Variants in INSR observed in about 807,000 individuals in gnomAD.
INSR encodes insulin receptor, also known as IR.
A neutral mutation model predicts 142.6 loss-of-function variants in INSR; 67 were observed. The observed-to-expected ratio is 0.47, with a 90% CI of 0.39 to 0.58. The LOEUF is 0.58. Among genes scored for constraint, INSR ranks in the 20% least tolerant of loss-of-function variants. INSR has a pLI of 0.00. For missense variants in INSR, 1,248 were observed against 1,833.2 expected, an observed-to-expected ratio of 0.68 and a Z score of 5.83; for synonymous variants, 756 against 743.1, an observed-to-expected ratio of 1.02 and a Z score of -0.28.
chr19:7,179,959 A>G (rs2144975105), intron 3 of INSR, among the ~76,000 whole-genome samples: 1 of 152,312 alleles, frequency 6.6e-6, no homozygotes, highest in Non-Finnish European at 1.5e-5. Flanking sequence ...AGGCTTGAAA[A>G]GCACTTGAAC....
chr19:7,148,033 C>T (rs551050421), intron 11 of INSR, among the ~76,000 whole-genome samples: 1 of 152,222 alleles, frequency 6.6e-6, no homozygotes, highest in African/African-American at 2.4e-5. Context: ...CCTGCCTCAG[C>T]CTCCCAAGTA....
chr19:7,146,542 CTCTTTG>C (rs1298772283), intron 11 of INSR, among the ~76,000 whole-genome samples: 11 of 152,068 alleles, frequency 7.2e-5, no homozygotes, highest in Non-Finnish European at 1.5e-4. Flanking sequence ...CATGCTCAAC[CTCTTTG>C]TCAAGTTCTT....
chr19:7,242,575 T>C lies in INSR; in HGVS notation c.652+24770A>G, dbSNP rs1281562579. ...CAACATGGTGAAACCCCGTCTCTAC[T>C]AAAAACACAAAAATTAGCCAGGTGT... On this transcript the variant is annotated intron_variant, in intron 2 of 21. Coordinates refer to ENST00000302850, the MANE Select transcript of INSR (RefSeq NM_000208.4). 3.3e-5 allele frequency among the ~76,000 whole-genome samples: 5 copies of C among 151,442 alleles called. No individual in the cohort carries two copies. In the South Asian group the frequency reaches 6.3e-4, roughly 19 times the overall value.
At chr19:7,122,207 G>T (rs761240181) in intron 19 of INSR, among the ~76,000 whole-genome samples, 4 of 151,490 alleles carry the variant, frequency 2.6e-5, no homozygotes, top group Non-Finnish European at 4.4e-5. Context: ...ACTTTGGGAG[G>T]CCGAGGCAGG....
At chr19:7,127,817 C>T (rs1972682040) in intron 15 of INSR, among the ~76,000 whole-genome samples, 1 of 152,066 alleles carries the variant, frequency 6.6e-6, no homozygotes, top group Non-Finnish European at 1.5e-5. Context: ...GATCTCGGCT[C>T]ACTGCAACCT....
At chr19:7,127,572 C>A (rs1568431550) in intron 15 of INSR, among the ~76,000 whole-genome samples, 1 of 152,024 alleles carries the variant, frequency 6.6e-6, no homozygotes, top group Non-Finnish European at 1.5e-5. Flanking sequence ...CAATGGGGAG[C>A]TATTATGTAT....
rs765562038 is a variant in INSR, at chr19:7,125,458, T to G, written c.3083A>C (p.Glu1028Ala). The change falls in exon 17 of 22, where the codon GAG becomes GCG. Residue 1028 changes from glutamate to alanine, a missense_variant. Physicochemically the swap from Glu to Ala is moderately radical, Grantham distance 107 (BLOSUM62 -1). Transcript: ENST00000302850. This position sits in a 1 kb window ranked among gnomAD's most constrained non-coding sequence, Gnocchi z 4.9. Reference protein sequence around the residue: ...VSREKITLLRELGQGSFGMVY... With the variant: ...VSREKITLLRALGQGSFGMVY... Reference sequence around the variant, plus strand: ...CATGCCGAAGGAGCCCTGCCCCAGCTCTCGAAGGAGGGTGATCTTCTCTCG... The same window carrying G: ...CATGCCGAAGGAGCCCTGCCCCAGCGCTCGAAGGAGGGTGATCTTCTCTCG... 1 of 1,614,074 alleles carries G rather than the reference T, an allele frequency of 6.2e-7. No homozygotes were observed. Among genetic ancestry groups the G allele is most frequent in the East Asian group, 2.2e-5 (1 of 44,862 alleles).
chr19:7,214,891 C>A (rs1975386345), intron 2 of INSR, among the ~76,000 whole-genome samples: 1 of 145,390 alleles, frequency 6.9e-6, no homozygotes, highest in Admixed American at 7.1e-5. Flanking sequence ...TTCCTTGTTC[C>A]CTCCCTTTTT....
intron 13 of INSR, among the ~76,000 whole-genome samples, chr19:7,140,312 T>G (rs1375875727): frequency 6.6e-6 from 1 of 152,202 alleles, no homozygotes; most frequent in Non-Finnish European, 1.5e-5. Context: ...GCCCACCAAC[T>G]AAACCTGGTC....
intron 9 of INSR, among the ~76,000 whole-genome samples, chr19:7,158,080 A>C (rs1036231696): frequency 7.1e-6 from 1 of 140,036 alleles, no homozygotes; most frequent in Non-Finnish European, 1.6e-5. Flanking sequence ...TATTATTATT[A>C]TTATTATTAT....
chr19:7,219,520 A>G (rs1169567534), intron 2 of INSR, among the ~76,000 whole-genome samples: 98 of 49,002 alleles, frequency 2.0e-3, no homozygotes, highest in African/African-American at 4.9e-3. Flanking sequence ...AACGAAGGAA[A>G]GAAGGAAGGA....
intron 2 of INSR, among the ~76,000 whole-genome samples, chr19:7,245,702 T>C (rs888696282): frequency 6.6e-6 from 1 of 151,986 alleles, no homozygotes; most frequent in Non-Finnish European, 1.5e-5. Context: ...CACCTCGGCC[T>C]CCCAAAATGC....
At chr19:7,160,824 C>G (rs1040104487) in intron 9 of INSR, among the ~76,000 whole-genome samples, 1 of 151,270 alleles carries the variant, frequency 6.6e-6, no homozygotes, top group African/African-American at 2.4e-5. Context: ...ATGGTGAAAC[C>G]CCGTCTCTAC....
At position 7,119,897 on chromosome 19, in the gene INSR, TACAC is replaced by T. The variant is rs979615479; in HGVS notation, c.3660-318_3660-315del. 3.3e-5 allele frequency among the ~76,000 whole-genome samples: 5 copies of T among 151,152 alleles called. No homozygotes were observed. Among genetic ancestry groups the T allele is most frequent in the Admixed American group, 1.3e-4 (2 of 15,188 alleles). ...ACACAAACACACATATGCACACACA[TACAC>T]ACACAAACACACACACAAACACATC... On this transcript the variant is annotated intron_variant, in intron 20 of 21. Coordinates refer to ENST00000302850, the MANE Select transcript of INSR (RefSeq NM_000208.4). The surrounding 1 kb of genome is among the most constrained non-coding windows in gnomAD (Gnocchi z 5.2).
chr19:7,217,709 G>A (rs1007591973), intron 2 of INSR, among the ~76,000 whole-genome samples: 8 of 152,082 alleles, frequency 5.3e-5, no homozygotes, highest in Non-Finnish European at 1.0e-4. Flanking sequence ...ACAGGAGCCC[G>A]CCACCACACC....
At chr19:7,203,848 G>A (rs1030816402) in intron 2 of INSR, among the ~76,000 whole-genome samples, 12 of 152,050 alleles carry the variant, frequency 7.9e-5, no homozygotes, top group African/African-American at 2.9e-4. Flanking sequence ...CTGATTCTGC[G>A]GGTTCCTAAA....
At chr19:7,217,154 G>A (rs562005505) in intron 2 of INSR, among the ~76,000 whole-genome samples, 1 of 152,136 alleles carries the variant, frequency 6.6e-6, no homozygotes, top group Non-Finnish European at 1.5e-5. Context: ...AGTTTTGGTG[G>A]TGAAAAGCCC....
At chr19:7,138,150 G>A (rs1325012010) in intron 13 of INSR, among the ~76,000 whole-genome samples, 1 of 151,500 alleles carries the variant, frequency 6.6e-6, no homozygotes, top group African/African-American at 2.4e-5. Context: ...ATTTTTAGTA[G>A]AGACGGGGTT....
chr19:7,175,443 G>T (rs1974114037), intron 3 of INSR, among the ~76,000 whole-genome samples: 1 of 152,122 alleles, frequency 6.6e-6, no homozygotes. Flanking sequence ...CTGTGGTAGT[G>T]GGGGTGGCGT....
Sources: allele counts gnomAD v4.1 joint callset (sites outside exome capture counted in the v4.1 genomes callset), GRCh38; gene constraint gnomAD v4.1.1; non-coding constraint Gnocchi (gnomAD v3.1); transcripts MANE v1.5; gene names NCBI Gene and HGNC (gene_info 2026-07-23, HGNC 2026-07-21).